KHSRP: variants seen among roughly 807,000 people sequenced by gnomAD.
KHSRP encodes KH-type splicing regulatory protein.
KHSRP carries 13 observed loss-of-function variants against 94.9 expected under a neutral mutation model. The observed-to-expected ratio is 0.14, with a 90% confidence interval of 0.09 to 0.22. The LOEUF (loss-of-function observed/expected upper bound fraction) is 0.22. KHSRP is among the 10% of genes least tolerant of loss of function. KHSRP has a pLI of 1.00. For synonymous variants in KHSRP, 495 were observed against 401.4 expected, an observed-to-expected ratio of 1.23 and a Z score of -2.79; for missense variants, 710 against 1,010.0, an observed-to-expected ratio of 0.70 and a Z score of 4.03.
In KHSRP at chr19:6,414,013, G is replaced by C; in HGVS notation, c.*1011C>G. 1.4e-6 allele frequency: 2 copies of C among 1,475,846 alleles called. No individual in the cohort carries two copies. Among genetic ancestry groups the C allele is most frequent in the Non-Finnish European group, 1.8e-6 (2 of 1,104,652 alleles). The allele number at this position is 1,475,846 out of a possible 1,614,324, so 91.4% of individuals were successfully genotyped here. On this transcript the variant is annotated 3_prime_UTR_variant, in exon 19 of 19. Transcript: ENST00000600480. Reference sequence around the variant, plus strand: ...GGGCTCCCCAGTACTCCCCACGGCAGCCATCGCTCTCTCGCCAAACAAAAC... The same window carrying C: ...GGGCTCCCCAGTACTCCCCACGGCACCCATCGCTCTCTCGCCAAACAAAAC...
chr19:6,417,529 T>A (rs898384658), intron 11 of KHSRP, among the ~76,000 whole-genome samples: 1 of 152,066 alleles, frequency 6.6e-6, no homozygotes, highest in African/African-American at 2.4e-5. Flanking sequence ...CTGATAGGGA[T>A]AGGAACACAC....
Position 6,415,866 on chromosome 19 carries a change from T to C in KHSRP, c.1629A>G (p.Pro543=), listed in dbSNP as rs554522870. 3.2e-6 allele frequency: 5 copies of C among 1,548,962 alleles called. No individual in the cohort carries two copies. The Admixed American group carries it at 7.9e-5, about 25-fold the overall frequency. ...HAGGPPPHQY[P]PQGWGNTYPQ... Reference sequence around the variant, plus strand: ...GGTAGGTATTGCCCCAGCCCTGGGGTGGGTACTGGTGAGGAGGGGGCCCCC... The same window carrying C: ...GGTAGGTATTGCCCCAGCCCTGGGGCGGGTACTGGTGAGGAGGGGGCCCCC... The change falls in exon 16 of 19, where the codon CCA becomes CCG. Residue 543 remains proline (P), a synonymous_variant. Coordinates refer to ENST00000600480, the MANE Select transcript of KHSRP (RefSeq NM_001366299.1).
rs1382973029 is a variant in KHSRP, at chr19:6,417,063, A to G, written c.1106T>C (p.Ile369Thr). Reference sequence around the variant, plus strand: ...GTCTGGGGGCCCCATTATATGAGCAATCTTCTCGGGCCCTGTCCCGTCATC... The same window carrying G: ...GTCTGGGGGCCCCATTATATGAGCAGTCTTCTCGGGCCCTGTCCCGTCATC... ...KQDDGTGPEK[I>T]AHIMGPPDRC... The change falls in exon 12 of 19, where the codon ATT (isoleucine) becomes ACT (threonine). Residue 369 changes from isoleucine to threonine, a missense_variant. Ile to Thr is a moderately conservative substitution (Grantham distance 89). Coordinates refer to ENST00000600480, the MANE Select transcript of KHSRP (RefSeq NM_001366299.1). 6.2e-7 allele frequency: 1 copy of G among 1,612,560 alleles called. No homozygotes were observed. The highest frequency in any genetic ancestry group is 8.5e-7 in the Non-Finnish European group (1 of 1,179,764).
chr19:6,413,189 CTATTT>C lies in KHSRP; in HGVS notation c.*1830_*1834del, dbSNP rs2092111894. ...GAAAGCACATTGAGCCTGAAGAAAA[CTATTT>C]TATATTTTTCTTAAAAAAAAAAAAA... is the stretch of plus-strand genomic sequence containing the variant. On this transcript the variant is annotated 3_prime_UTR_variant, in exon 19 of 19. Transcript: ENST00000600480. 7.4e-6 allele frequency among the ~76,000 whole-genome samples: 1 copy of C among 134,752 alleles called. No individual in the cohort carries two copies. The allele number at this position is 134,752 out of a possible 152,430, so 88.4% of individuals were successfully genotyped here.
chr19:6,419,170 C>A (rs528808189), intron 7 of KHSRP, 33 bp downstream of exon 7: 3 of 1,557,554 alleles, frequency 1.9e-6, no homozygotes, highest in Middle Eastern at 1.7e-4. Flanking sequence ...GCCTGCCCCC[C>A]ACATCACAAT....
intron 11 of KHSRP, 47 bp from the exon 12 acceptor site, chr19:6,417,134 C>A (rs376886726): frequency 1.1e-5 from 16 of 1,490,218 alleles, no homozygotes. Context: ...AAAAGAAGAG[C>A]CCACCCCAGA....
chr19:6,421,753 T>C (rs2145123798), intron 2 of KHSRP, 65 bp from the exon 3 acceptor site: 6 of 1,570,032 alleles, frequency 3.8e-6, no homozygotes, highest in Middle Eastern at 1.7e-4. Flanking sequence ...AACCTGATGC[T>C]GGTGCCACAT....
rs780892331 is a variant in KHSRP at position 6,414,252 on chromosome 19, C to G, written c.*772G>C. 2.7e-6 allele frequency: 4 copies of G among 1,486,702 alleles called. No individual in the cohort carries two copies. In the South Asian group the frequency reaches 4.0e-5, roughly 15 times the overall value. 92.1% of individuals were successfully genotyped at this position (1,486,702 alleles called of 1,614,324 possible). On this transcript the variant is annotated 3_prime_UTR_variant, in exon 19 of 19. Coordinates refer to ENST00000600480, the MANE Select transcript of KHSRP (RefSeq NM_001366299.1). ...GCCCCCTCCCAAACCTGCGCTGGCT[C>G]AGGCTGGAAGGACGTGCTTGTTAAC...
At chr19:6,421,450 T>G (rs2145123407) in intron 3 of KHSRP, 133 bp from the exon 4 acceptor site, 1 of 1,038,680 alleles carries the variant, frequency 9.6e-7, no homozygotes, top group East Asian at 2.6e-5. Flanking sequence ...ATGGATGCTG[T>G]GGATTCCTCC....
intron 4 of KHSRP, 142 bp from the exon 5 acceptor site, chr19:6,420,613 T>C: frequency 2.6e-6 from 2 of 755,352 alleles, no homozygotes; most frequent in Non-Finnish European, 4.6e-6. Flanking sequence ...AAGGCCTCAG[T>C]TTCCCCATCT....
intron 3 of KHSRP, 71 bp downstream of exon 3, chr19:6,421,579 T>C: frequency 6.5e-7 from 1 of 1,540,694 alleles, no homozygotes; most frequent in Middle Eastern, 1.7e-4. Flanking sequence ...CCTCAGTGCT[T>C]CCAGCTCCTG....
intron 3 of KHSRP, 101 bp from the exon 4 acceptor site, chr19:6,421,418 C>T (rs576380808): frequency 8.0e-7 from 1 of 1,246,642 alleles, no homozygotes; most frequent in East Asian, 2.5e-5. Context: ...GCACCACGGT[C>T]CCCAGCCTGC....
Position 6,415,912 on chromosome 19 carries a change from A to C in KHSRP, c.1599-16T>G. 4.8e-6 allele frequency: 7 copies of C among 1,465,926 alleles called. No individual in the cohort carries two copies. The highest frequency in any genetic ancestry group is 6.4e-6 in the Non-Finnish European group (7 of 1,099,110). The allele number at this position is 1,465,926 out of a possible 1,614,324, so 90.8% of individuals were successfully genotyped here. A position where few individuals can be genotyped will look rare whatever the true frequency, so the allele number is the denominator to read the frequency against. ...CCCCCCGGCACTGCAGGAGAGAAGA[A>C]AGGGATGCTTGAGCAGTGGTGCGGG... is the stretch of plus-strand genomic sequence containing the variant. On this transcript the variant is annotated splice_polypyrimidine_tract_variant and intron_variant, in intron 15 of 18. Coordinates refer to ENST00000600480, the MANE Select transcript of KHSRP (RefSeq NM_001366299.1).
rs1467405106 is a variant in KHSRP at position 6,419,280 on chromosome 19, T to C, written c.548-20A>G. On this transcript the variant is annotated intron_variant, in intron 6 of 18. Coordinates refer to ENST00000600480, the MANE Select transcript of KHSRP (RefSeq NM_001366299.1). ...CGCTGTCTGAAAAGAGGAGATAGAG[T>C]CAGTGCCCTCCCTGGCCCACAGGCA... 10 of 1,551,512 alleles carry C rather than the reference T, an allele frequency of 6.4e-6. No homozygotes were observed. The highest frequency in any genetic ancestry group is 1.2e-5 in the South Asian group (1 of 83,658).
rs999638997 is a variant in KHSRP at position 6,413,926 on chromosome 19, G to T, written c.*1098C>A. On this transcript the variant is annotated 3_prime_UTR_variant, in exon 19 of 19. Coordinates refer to ENST00000600480, the MANE Select transcript of KHSRP (RefSeq NM_001366299.1). ...TGAAAGAAAAAGCATGTGAGACACAGAACAGGCGAGAGAGTGAGGGCCCGG... is the reference window on the plus strand; with the variant it reads ...TGAAAGAAAAAGCATGTGAGACACATAACAGGCGAGAGAGTGAGGGCCCGG... 3.1e-6 allele frequency: 2 copies of T among 643,352 alleles called. No individual in the cohort carries two copies. Among genetic ancestry groups the T allele is most frequent in the African/African-American group, 1.9e-5 (1 of 53,670 alleles). The allele number at this position is 643,352 out of a possible 1,614,324, so 39.9% of individuals were successfully genotyped here.
intron 17 of KHSRP, 31 bp downstream of exon 17, chr19:6,415,503 C>T: frequency 6.5e-7 from 1 of 1,548,112 alleles, no homozygotes; most frequent in Non-Finnish European, 8.7e-7. Flanking sequence ...CCCGGCAGGG[C>T]TGGAGCCCCC....
chr19:6,424,543 C>T lies in KHSRP; in HGVS notation c.159G>A (p.Gly53=), dbSNP rs2145128753. The part of the protein sequence containing the change: ...GGPGGGGPGG[G]SAGGPSQPPG... ...GTGGCTGAGAGGGGCCCCCGGCCGA[C>T]CCCCCGCCCGGGCCGCCGCCGCCGG... The change falls in exon 1 of 19, where the codon GGG becomes GGA. Residue 53 remains glycine, a synonymous_variant. Transcript: ENST00000600480. 3.1e-6 allele frequency: 3 copies of T among 973,688 alleles called. No individual in the cohort carries two copies. Among genetic ancestry groups the T allele is most frequent in the East Asian group, 1.2e-4 (1 of 8,590 alleles). The allele number at this position is 973,688 out of a possible 1,614,324, so 60.3% of individuals were successfully genotyped here.
intron 4 of KHSRP, 31 bp downstream of exon 4, chr19:6,421,247 A>G (rs2092193225): frequency 6.4e-7 from 1 of 1,570,148 alleles, no homozygotes. Context: ...CCAACAGACA[A>G]GAAAGCAGTG....
Position 6,418,780 on chromosome 19 carries a change from G to C in KHSRP, c.702C>G (p.Thr234=). The change falls in exon 8 of 19, where the codon ACC becomes ACG. Residue 234 remains threonine (T), a synonymous_variant. Transcript: ENST00000600480. The surrounding 1 kb of genome is among the most constrained non-coding windows in gnomAD (Gnocchi z 4.3). ...HDNANGGQNG[T]VQEIMIPAGK... Reference sequence around the variant, plus strand: ...CCGCGGGGATCATGATCTCCTGCACGGTGCCGTTCTGGCCCCCGTTGGCGT... The same window carrying C: ...CCGCGGGGATCATGATCTCCTGCACCGTGCCGTTCTGGCCCCCGTTGGCGT... 6.2e-7 allele frequency: 1 copy of C among 1,606,894 alleles called. No homozygotes were observed. The highest frequency in any genetic ancestry group is 8.5e-7 in the Non-Finnish European group (1 of 1,177,754).
Sources: allele counts gnomAD v4.1 joint callset (sites outside exome capture counted in the v4.1 genomes callset), GRCh38; gene constraint gnomAD v4.1.1; non-coding constraint Gnocchi (gnomAD v3.1); transcripts MANE v1.5; gene names NCBI Gene and HGNC (gene_info 2026-07-23, HGNC 2026-07-21).